Variants in LRMDA observed in about 807,000 individuals in gnomAD.
LRMDA encodes the protein leucine rich melanocyte differentiation associated, also known as leucine-rich melanocyte differentiation-associated protein.
Under a neutral mutation model 29.8 loss-of-function variants are expected in LRMDA, and 18 were observed. The observed-to-expected ratio is 0.60, with a 90% CI of 0.42 to 0.90. The LOEUF is 0.90. LRMDA is among the 40% of genes least tolerant of loss of function. The pLI is 0.00. For synonymous variants in LRMDA, 125 were observed against 109.4 expected (o/e 1.14, Z -0.89); for missense variants, 273 against 273.9 (o/e 1.00, Z 0.02).
At chr10:75,453,785 G>A (rs577865997) in intron 2 of LRMDA, among the ~76,000 whole-genome samples, 2 of 152,290 alleles carry the variant, frequency 1.3e-5, no homozygotes, top group Admixed American at 6.5e-5. Context: ...TTGCCCACTC[G>A]CTCGCATGTC....
chr10:75,623,440 C>T (rs187876631), intron 2 of LRMDA, among the ~76,000 whole-genome samples: 63 of 152,284 alleles, frequency 4.1e-4, no homozygotes, highest in African/African-American at 1.4e-3. Flanking sequence ...CCCTTTCAGT[C>T]CTTTAGATAG....
intron 6 of LRMDA, among the ~76,000 whole-genome samples, chr10:76,425,762 C>G (rs546732248): frequency 6.7e-6 from 1 of 149,614 alleles, no homozygotes; most frequent in African/African-American, 2.5e-5. Context: ...CTCCCTCCAC[C>G]CCACAACGGG....
At chr10:76,408,192 T>G (rs1313077312) in intron 6 of LRMDA, among the ~76,000 whole-genome samples, 1 of 152,138 alleles carries the variant, frequency 6.6e-6, no homozygotes, top group African/African-American at 2.4e-5. Flanking sequence ...AAATTTCTCA[T>G]TCCGTGGTTA....
At chr10:76,424,012 C>A (rs905093387) in intron 6 of LRMDA, among the ~76,000 whole-genome samples, 1 of 152,154 alleles carries the variant, frequency 6.6e-6, no homozygotes, top group Non-Finnish European at 1.5e-5. Flanking sequence ...AGTTCTGGTT[C>A]ACCTTCTATA....
At chr10:76,019,686 G>T (rs976364372) in intron 2 of LRMDA, among the ~76,000 whole-genome samples, 2 of 152,086 alleles carry the variant, frequency 1.3e-5, no homozygotes, top group Admixed American at 6.5e-5. Context: ...CAGTGTTGTT[G>T]TTTTTTGTTT....
At chr10:75,562,677 T>C (rs982323716) in intron 2 of LRMDA, among the ~76,000 whole-genome samples, 3 of 152,070 alleles carry the variant, frequency 2.0e-5, no homozygotes, top group Non-Finnish European at 2.9e-5. Context: ...CCGGTTGTTC[T>C]TTTCCATGTT....
chr10:75,906,876 C>T (rs954393417), intron 2 of LRMDA, among the ~76,000 whole-genome samples: 2 of 82,988 alleles, frequency 2.4e-5, no homozygotes, highest in Non-Finnish European at 4.9e-5. Context: ...CTTGGGGGTG[C>T]AAGGTTGAAC....
chr10:75,620,087 G>A (rs960663409), intron 2 of LRMDA, among the ~76,000 whole-genome samples: 6 of 152,142 alleles, frequency 3.9e-5, no homozygotes, highest in Non-Finnish European at 8.8e-5. Flanking sequence ...CTGCGAACAG[G>A]CCCTCCAAAA....
rs182049461 is a variant in LRMDA at position 75,570,278 on chromosome 10, G to T, written c.131+131784G>T. On this transcript the variant is annotated intron_variant, in intron 2 of 6. Coordinates refer to ENST00000611255, the MANE Select transcript of LRMDA (RefSeq NM_001305581.2). ...AATAGTTTTGAAAGTATCTTGAAAGGTTAAAAGCACTATACTGATCTATTT... is the reference window on the plus strand; with the variant it reads ...AATAGTTTTGAAAGTATCTTGAAAGTTTAAAAGCACTATACTGATCTATTT... Among the ~76,000 whole-genome samples the T allele has an allele frequency of 2.8e-3, 429 of 152,308 alleles. 6 individuals are homozygous for T. The highest frequency in any genetic ancestry group is 0.01 in the African/African-American group (417 of 41,580).
At position 75,523,299 on chromosome 10, in the gene LRMDA, C is replaced by T. The variant is rs1004196584; in HGVS notation, c.131+84805C>T. 4.6e-5 allele frequency among the ~76,000 whole-genome samples: 7 copies of T among 152,226 alleles called. No individual in the cohort carries two copies. The South Asian group carries it at 1.0e-3, about 23-fold the overall frequency. On this transcript the variant is annotated intron_variant, in intron 2 of 6. Transcript: ENST00000611255. Reference sequence around the variant, plus strand: ...GGAAATGCCTGTGTCATACTGAGGACGTCCTTGTTCCATGTCATCCCATAA... The same window carrying T: ...GGAAATGCCTGTGTCATACTGAGGATGTCCTTGTTCCATGTCATCCCATAA...
At chr10:76,057,607 G>A (rs1848637672) in intron 4 of LRMDA, among the ~76,000 whole-genome samples, 1 of 152,144 alleles carries the variant, frequency 6.6e-6, no homozygotes, top group African/African-American at 2.4e-5. Flanking sequence ...GAAGGGTGGA[G>A]GTGTACAAAA....
chr10:75,495,770 C>T (rs543861488), intron 2 of LRMDA, among the ~76,000 whole-genome samples: 1 of 152,314 alleles, frequency 6.6e-6, no homozygotes, highest in South Asian at 2.1e-4. Flanking sequence ...TTAAAGAATT[C>T]TCAGATAGAA....
intron 5 of LRMDA, among the ~76,000 whole-genome samples, chr10:76,274,005 A>AG (rs1440201697): frequency 6.6e-6 from 1 of 152,158 alleles, no homozygotes; most frequent in Non-Finnish European, 1.5e-5. Flanking sequence ...TAGACAAAGC[A>AG]GGATATATAT....
intron 2 of LRMDA, among the ~76,000 whole-genome samples, chr10:76,017,416 G>A (rs1847896532): frequency 6.6e-6 from 1 of 152,218 alleles, no homozygotes; most frequent in African/African-American, 2.4e-5. Context: ...CTCTAGGAAT[G>A]TGAGACAAAT....
At chr10:76,298,762 C>A (rs956464253) in intron 5 of LRMDA, among the ~76,000 whole-genome samples, 1 of 152,204 alleles carries the variant, frequency 6.6e-6, no homozygotes, top group Non-Finnish European at 1.5e-5. Flanking sequence ...GCATACCATT[C>A]TACTCAGTTT....
chr10:76,288,680 C>T (rs1294094128), intron 5 of LRMDA, among the ~76,000 whole-genome samples: 1 of 152,146 alleles, frequency 6.6e-6, no homozygotes, highest in South Asian at 2.1e-4. Context: ...TAGAATTCTT[C>T]AGTACTACTA....
chr10:75,493,890 A>G (rs1211050778), intron 2 of LRMDA, among the ~76,000 whole-genome samples: 1 of 85,324 alleles, frequency 1.2e-5, no homozygotes, highest in Non-Finnish European at 2.4e-5. Context: ...ACTTGTCTGA[A>G]ATTTACGTGT....
At chr10:76,331,145 C>T (rs1840900070) in intron 6 of LRMDA, among the ~76,000 whole-genome samples, 2 of 152,178 alleles carry the variant, frequency 1.3e-5, no homozygotes, top group Admixed American at 1.3e-4. Flanking sequence ...GTGGCAGGCA[C>T]CTGTAATCCT....
At chr10:75,917,214 A>G (rs1238979460) in intron 2 of LRMDA, among the ~76,000 whole-genome samples, 2 of 152,150 alleles carry the variant, frequency 1.3e-5, no homozygotes, top group African/African-American at 4.8e-5. Flanking sequence ...TTGGGGTGAG[A>G]TGGGATGTCA....
Sources: allele counts gnomAD v4.1 joint callset (sites outside exome capture counted in the v4.1 genomes callset), GRCh38; gene constraint gnomAD v4.1.1; transcripts MANE v1.5; gene names NCBI Gene and HGNC (gene_info 2026-07-23, HGNC 2026-07-21).